The following SLC37A3 variants were observed in gnomAD, a reference collection of about 807,000 sequenced individuals.
SLC37A3 encodes the protein solute carrier family 37 member 3.
In SLC37A3, 51 loss-of-function variants were observed where a neutral mutation model predicts 67.1. The ratio of observed to expected loss-of-function variants is 0.76; its 90% CI spans 0.61 to 0.96. The LOEUF is 0.96. Among genes scored for constraint, SLC37A3 ranks in the 40% least tolerant of loss-of-function variants. SLC37A3 has a pLI of 0.00. For missense variants in SLC37A3, 508 were observed against 603.0 expected (o/e 0.84, Z 1.65); for synonymous variants, 214 against 231.4 (o/e 0.92, Z 0.68).
At position 140,345,918 on chromosome 7, in the gene SLC37A3, A is replaced by AG; in HGVS notation, c.1076_1077insC (p.Leu360SerfsTer16). 1.9e-6 allele frequency: 3 copies of AG among 1,614,078 alleles called. No homozygotes were observed. The highest frequency in any genetic ancestry group is 2.5e-6 in the Non-Finnish European group (3 of 1,180,022). ...CTGCCAGAAGCAGACTCAGGGCAAG[A>AG]ACCGGCGCTCTCTTCTGTAGTACAT... On this transcript the variant is annotated frameshift_variant, in exon 11 of 15. Transcript: ENST00000326232. LOFTEE classifies it high-confidence loss of function.
At chr7:140,366,459 CAGAA>C (rs955332118) in intron 4 of SLC37A3, among the ~76,000 whole-genome samples, 10 of 149,380 alleles carry the variant, frequency 6.7e-5, no homozygotes, top group African/African-American at 2.4e-4. Context: ...CCATAAGTTA[CAGAA>C]GGAAGTGCAG....
intron 5 of SLC37A3, among the ~76,000 whole-genome samples, chr7:140,361,298 C>T (rs1227198998): frequency 6.6e-6 from 1 of 151,882 alleles, no homozygotes; most frequent in Non-Finnish European, 1.5e-5. Flanking sequence ...GCCTGACCAA[C>T]ATGGAGAAAC....
chr7:140,356,080 G>A (rs192450448), intron 6 of SLC37A3, among the ~76,000 whole-genome samples: 30 of 151,710 alleles, frequency 2.0e-4, no homozygotes, highest in Non-Finnish European at 3.8e-4. Context: ...TGTAATCCCA[G>A]CTACTCGGAA....
chr7:140,366,755 AG>A (rs1292704624), intron 4 of SLC37A3, among the ~76,000 whole-genome samples: 4 of 152,184 alleles, frequency 2.6e-5, no homozygotes, highest in African/African-American at 7.2e-5. Flanking sequence ...AAAATACCCA[AG>A]GTGAGGAGGT....
intron 9 of SLC37A3, among the ~76,000 whole-genome samples, chr7:140,351,026 G>A (rs1353808423): frequency 1.3e-5 from 2 of 152,190 alleles, no homozygotes; most frequent in Non-Finnish European, 2.9e-5. Context: ...GTAGTTGGGG[G>A]AGAGACTGGA....
intron 7 of SLC37A3, among the ~76,000 whole-genome samples, chr7:140,355,314 C>T (rs1796979652): frequency 6.6e-6 from 1 of 151,976 alleles, no homozygotes; most frequent in Non-Finnish European, 1.5e-5. Context: ...TGGGTTCAAA[C>T]GATTCTCCTG....
At chr7:140,353,266 T>C (rs1324704570) in intron 7 of SLC37A3, among the ~76,000 whole-genome samples, 2 of 152,028 alleles carry the variant, frequency 1.3e-5, no homozygotes, top group Non-Finnish European at 2.9e-5. Flanking sequence ...GCGGATCACC[T>C]GAGGTCAGGA....
chr7:140,356,742 A>C (rs545065983), intron 6 of SLC37A3, among the ~76,000 whole-genome samples: 5 of 152,314 alleles, frequency 3.3e-5, no homozygotes, highest in African/African-American at 9.6e-5. Flanking sequence ...AGATATTAGA[A>C]AAATGGAAAT....
chr7:140,351,640 A>C (rs1418287884), intron 8 of SLC37A3, 189 bp from the exon 9 acceptor site: 1 of 599,072 alleles, frequency 1.7e-6, no homozygotes, highest in African/African-American at 1.9e-5. Context: ...CTCAAAAGAT[A>C]GAAGAATTGT....
chr7:140,344,356 A>T (rs1329984249), intron 12 of SLC37A3, among the ~76,000 whole-genome samples: 2 of 152,214 alleles, frequency 1.3e-5, no homozygotes, highest in African/African-American at 4.8e-5. Context: ...TGAACCCAGG[A>T]GGTGGAGGTT....
rs557471513 is a variant in SLC37A3, at chr7:140,397,427, C to T, written c.-71+989G>A. 6.7e-4 allele frequency among the ~76,000 whole-genome samples: 102 copies of T among 152,042 alleles called. 1 individual carries two copies. The highest frequency in any genetic ancestry group is 2.3e-3 in the African/African-American group (97 of 41,514). On this transcript the variant is annotated intron_variant, in intron 1 of 14. Coordinates refer to ENST00000326232, the MANE Select transcript of SLC37A3 (RefSeq NM_207113.3). ...CAGGCTGGTCTTGAACTCCTGACCT[C>T]AAGGAATCCACAGGCCTCGGCCTCC...
intron 13 of SLC37A3, among the ~76,000 whole-genome samples, chr7:140,339,039 C>T (rs911954654): frequency 1.3e-5 from 2 of 151,972 alleles, no homozygotes; most frequent in African/African-American, 4.8e-5. Context: ...TTAAAAGAGA[C>T]AGGGTCTTTC....
Position 140,381,450 on chromosome 7 carries a change from G to A in SLC37A3, c.89+988C>T, listed in dbSNP as rs951785449. On this transcript the variant is annotated intron_variant, in intron 2 of 14. Transcript: ENST00000326232. ...TGAGGCGGGTAGATCATTTGATCCCGGGAGTTCGAGGCTGCAGTGAACCGT... is the reference window on the plus strand; with the variant it reads ...TGAGGCGGGTAGATCATTTGATCCCAGGAGTTCGAGGCTGCAGTGAACCGT... 2.6e-5 allele frequency among the ~76,000 whole-genome samples: 4 copies of A among 151,556 alleles called. No homozygotes were observed. In the East Asian group the frequency reaches 5.9e-4, roughly 22 times the overall value.
At chr7:140,394,000 GTC>G (rs1020985651) in intron 1 of SLC37A3, among the ~76,000 whole-genome samples, 1 of 151,906 alleles carries the variant, frequency 6.6e-6, no homozygotes, top group African/African-American at 2.4e-5. Flanking sequence ...GTGAAACCCT[GTC>G]TCTACAAAAA....
chr7:140,335,532 G>T, intron 14 of SLC37A3, 28 bp from the exon 15 acceptor site: 1 of 1,605,746 alleles, frequency 6.2e-7, no homozygotes. Flanking sequence ...TATTAAATAT[G>T]CAGCAACAGT....
intron 1 of SLC37A3, among the ~76,000 whole-genome samples, chr7:140,391,761 T>C (rs1410162581): frequency 6.6e-6 from 1 of 152,148 alleles, no homozygotes; most frequent in Non-Finnish European, 1.5e-5. Context: ...ACAATCTTCC[T>C]GCACCCAGTA....
chr7:140,345,904 A>G lies in SLC37A3; in HGVS notation c.1091T>C (p.Leu364Pro), dbSNP rs757873927. The G allele has an allele frequency of 3.7e-6, 6 of 1,613,942 alleles. No homozygotes were observed. The South Asian group carries it at 5.5e-5, about 15-fold the overall frequency. The change falls in exon 11 of 15, where the codon CTG (leucine) becomes CCG (proline). Residue 364 changes from leucine (L) to proline (P), a missense_variant. Leu to Pro is a moderately conservative substitution (Grantham distance 98). Coordinates refer to ENST00000326232, the MANE Select transcript of SLC37A3 (RefSeq NM_207113.3). ...GATGAGGGACCCAACTGCCAGAAGCAGACTCAGGGCAAGAACCGGCGCTCT... is the reference window on the plus strand; with the variant it reads ...GATGAGGGACCCAACTGCCAGAAGCGGACTCAGGGCAAGAACCGGCGCTCT... ...QKRAPVLALSLLLAVGSLIGY... is the reference protein window; with the variant it reads ...QKRAPVLALSPLLAVGSLIGY...
intron 12 of SLC37A3, 136 bp downstream of exon 12, chr7:140,345,080 C>T (rs1796500417): frequency 8.6e-6 from 6 of 699,386 alleles, no homozygotes; most frequent in East Asian, 2.7e-5. Context: ...GAAAAGGAGG[C>T]GTTTTTCCTT....
At chr7:140,389,297 T>C (rs141512749) in intron 1 of SLC37A3, among the ~76,000 whole-genome samples, 5,366 of 152,192 alleles carry the variant, frequency 0.035, 158 homozygotes, top group South Asian at 0.16. Context: ...CTAAGATCAG[T>C]GCTGGAGATA....
Sources: gnomAD v4.1 joint callset for allele counts (sites outside exome capture counted in the v4.1 genomes callset) on GRCh38, gnomAD v4.1.1 for gene constraint, MANE v1.5 for transcripts, NCBI Gene and HGNC (gene_info 2026-07-23, HGNC 2026-07-21) for gene names.